AMPH: variants seen among roughly 807,000 people sequenced by gnomAD.
The protein encoded by AMPH is amphiphysin (Stiff-Mann syndrome with breast cancer 128kD autoantigen).
In AMPH, 49 loss-of-function variants were observed where a neutral mutation model predicts 99.1. The observed-to-expected ratio is 0.49, with a 90% confidence interval of 0.39 to 0.63. The LOEUF (loss-of-function observed/expected upper bound fraction) is 0.63. Ranked by LOEUF, AMPH falls within the 20% of genes least tolerant of loss-of-function variation. The pLI is 0.00. For synonymous variants in AMPH, 314 were observed against 317.3 expected, an observed-to-expected ratio of 0.99 and a Z score of 0.11; for missense variants, 759 against 863.4, an observed-to-expected ratio of 0.88 and a Z score of 1.52.
chr7:38,450,895 T>A (rs1050182101), intron 11 of AMPH, among the ~76,000 whole-genome samples: 5 of 137,120 alleles, frequency 3.6e-5, no homozygotes, highest in African/African-American at 1.4e-4. Context: ...AACACTTTCT[T>A]TTTTTTTTTT....
intron 4 of AMPH, among the ~76,000 whole-genome samples, chr7:38,493,018 C>T (rs912873303): frequency 7.9e-5 from 12 of 152,184 alleles, no homozygotes; most frequent in Non-Finnish European, 1.6e-4. Flanking sequence ...GCCAAATCTA[C>T]ATCCTGAAAG....
intron 2 of AMPH, among the ~76,000 whole-genome samples, chr7:38,531,665 A>G (rs1790402063): frequency 6.6e-6 from 1 of 152,206 alleles, no homozygotes; most frequent in Non-Finnish European, 1.5e-5. Context: ...GAGCCCCCAT[A>G]AATGTTTGAA....
intron 1 of AMPH, among the ~76,000 whole-genome samples, chr7:38,601,634 G>A (rs961869371): frequency 6.6e-6 from 1 of 152,142 alleles, no homozygotes; most frequent in Non-Finnish European, 1.5e-5. Flanking sequence ...TGGATTCAAA[G>A]TATTAACATA....
chr7:38,477,742 G>A (rs1393842073), intron 5 of AMPH, among the ~76,000 whole-genome samples: 2 of 151,948 alleles, frequency 1.3e-5, no homozygotes, highest in Non-Finnish European at 2.9e-5. Context: ...GCCGCTTGAG[G>A]AGGGGGCACC....
intron 11 of AMPH, among the ~76,000 whole-genome samples, chr7:38,441,844 T>TC (rs1786557782): frequency 5.1e-5 from 5 of 97,544 alleles, no homozygotes; most frequent in South Asian, 3.7e-4. Flanking sequence ...TCATATATCA[T>TC]ATATATCATA....
chr7:38,589,671 G>T (rs115196375), intron 1 of AMPH, among the ~76,000 whole-genome samples: 2,550 of 152,252 alleles, frequency 0.017, 62 homozygotes, highest in African/African-American at 0.052. Flanking sequence ...ATATCTCTAA[G>T]AATACAGGCT....
intron 2 of AMPH, among the ~76,000 whole-genome samples, chr7:38,525,271 TATATATAGAGAGAGAGAG>T (rs1562806785): frequency 1.4e-5 from 1 of 71,338 alleles, no homozygotes. Context: ...TATATATATA[TATATATAGAGAGAGAGAG>T]AGAGAGAGAG....
At chr7:38,441,743 GATATATCATATATATATCAT>G (rs1032608444) in intron 11 of AMPH, among the ~76,000 whole-genome samples, 1 of 131,480 alleles carries the variant, frequency 7.6e-6, no homozygotes, top group Non-Finnish European at 1.6e-5. Flanking sequence ...ATATATGACA[GATATATCATATATATATCAT>G]ATATATGATA....
chr7:38,453,782 T>C lies in AMPH; in HGVS notation c.1017+7501A>G, dbSNP rs567480175. On this transcript the variant is annotated intron_variant, in intron 11 of 20. Coordinates refer to ENST00000356264, the MANE Select transcript of AMPH (RefSeq NM_001635.4). ...GCTTCTAGGTGACCAAAGTCTCTAT[T>C]TGTGATGGAACTGAGAGGATGCTCT... Among the ~76,000 whole-genome samples the C allele has an allele frequency of 7.2e-5, 11 of 152,322 alleles. No homozygotes were observed. The South Asian group carries it at 2.3e-3, about 32-fold the overall frequency.
intron 1 of AMPH, among the ~76,000 whole-genome samples, chr7:38,593,265 C>G (rs979850785): frequency 6.6e-6 from 1 of 152,164 alleles, no homozygotes; most frequent in Non-Finnish European, 1.5e-5. Context: ...TCTAGTGAAG[C>G]AGAAACTATT....
At chr7:38,513,350 A>C (rs1421183150) in intron 2 of AMPH, among the ~76,000 whole-genome samples, 1 of 152,214 alleles carries the variant, frequency 6.6e-6, no homozygotes, top group Non-Finnish European at 1.5e-5. Flanking sequence ...ACAGCTTTAC[A>C]GGGTGATGAT....
At chr7:38,502,454 T>C (rs112913116) in intron 3 of AMPH, among the ~76,000 whole-genome samples, 2 of 151,950 alleles carry the variant, frequency 1.3e-5, no homozygotes, top group Admixed American at 1.3e-4. Flanking sequence ...AACCGAGAGA[T>C]TAATTCCTTG....
At chr7:38,432,269 T>C (rs1398921769) in intron 12 of AMPH, 57 bp from the exon 13 acceptor site, 1 of 1,493,660 alleles carries the variant, frequency 6.7e-7, no homozygotes, top group Non-Finnish European at 9.3e-7. Flanking sequence ...CATAAAAAAA[T>C]GCTGAGGTGA....
At chr7:38,475,688 G>C (rs1307521208) in intron 6 of AMPH, among the ~76,000 whole-genome samples, 1 of 152,172 alleles carries the variant, frequency 6.6e-6, no homozygotes, top group Non-Finnish European at 1.5e-5. Flanking sequence ...CTGCCATGTA[G>C]ACAGCTCTGC....
intron 1 of AMPH, among the ~76,000 whole-genome samples, chr7:38,567,532 A>G (rs1278729742): frequency 6.6e-6 from 1 of 151,024 alleles, no homozygotes; most frequent in Non-Finnish European, 1.5e-5. Flanking sequence ...AACTTAAAGT[A>G]TAATAAAAAT....
chr7:38,389,638 C>T (rs1057230397), intron 20 of AMPH, among the ~76,000 whole-genome samples, 166 bp downstream of exon 20: 3 of 152,174 alleles, frequency 2.0e-5, no homozygotes, highest in African/African-American at 7.2e-5. Flanking sequence ...AAAAGGGTGT[C>T]CTAGAAACCT....
chr7:38,444,599 C>G (rs1016054869), intron 11 of AMPH, among the ~76,000 whole-genome samples: 1 of 152,034 alleles, frequency 6.6e-6, no homozygotes, highest in Non-Finnish European at 1.5e-5. Flanking sequence ...CCACCAGAGG[C>G]TAGGAGAGAA....
intron 1 of AMPH, among the ~76,000 whole-genome samples, chr7:38,575,639 C>A (rs1248304500): frequency 6.6e-6 from 1 of 152,202 alleles, no homozygotes; most frequent in Non-Finnish European, 1.5e-5. Flanking sequence ...TTTACTTCCC[C>A]TTCCACCATT....
At chr7:38,591,248 G>A (rs1174915508) in intron 1 of AMPH, among the ~76,000 whole-genome samples, 1 of 151,410 alleles carries the variant, frequency 6.6e-6, no homozygotes, top group East Asian at 1.9e-4. Context: ...TAAGAATCTT[G>A]GAAGCCCAAT....
Sources: allele counts gnomAD v4.1 joint callset (sites outside exome capture counted in the v4.1 genomes callset), GRCh38; gene constraint gnomAD v4.1.1; transcripts MANE v1.5; gene names NCBI Gene and HGNC (gene_info 2026-07-23, HGNC 2026-07-21).